CD82: variants seen among roughly 807,000 people sequenced by gnomAD.
The protein encoded by CD82 is CD82 antigen.
Under a neutral mutation model 37.4 loss-of-function variants are expected in CD82, and 36 were observed. That is an observed-to-expected ratio of 0.96 (90% CI 0.74 to 1.27). The LOEUF is 1.27. CD82 is among the 50% of genes most tolerant of loss of function. The pLI, the probability that CD82 is intolerant of heterozygous loss-of-function variation, is 0.00. For missense variants in CD82, 340 were observed against 347.0 expected, an observed-to-expected ratio of 0.98 and a Z score of 0.16; for synonymous variants, 158 against 137.4, an observed-to-expected ratio of 1.15 and a Z score of -1.05.
intron 1 of CD82, among the ~76,000 whole-genome samples, chr11:44,581,800 A>G (rs940129360): frequency 6.6e-6 from 1 of 152,186 alleles, no homozygotes; most frequent in Non-Finnish European, 1.5e-5. Flanking sequence ...GCGGTTCCCT[A>G]TGAGGTCCCC....
At chr11:44,613,250 C>A (rs1853512408) in intron 6 of CD82, among the ~76,000 whole-genome samples, 1 of 152,210 alleles carries the variant, frequency 6.6e-6, no homozygotes, top group Admixed American at 6.5e-5. Context: ...CCTGAAAGGT[C>A]TCTGGGCAAG....
intron 4 of CD82, among the ~76,000 whole-genome samples, chr11:44,603,399 C>T (rs1031514557): frequency 2.0e-5 from 3 of 152,172 alleles, no homozygotes; most frequent in Non-Finnish European, 4.4e-5. Flanking sequence ...GTGGGGACCT[C>T]GGCCTCTCCA....
chr11:44,564,750 T>C (rs777158848), upstream of CD82, among the ~76,000 whole-genome samples: 120 of 152,206 alleles, frequency 7.9e-4, no homozygotes, highest in Non-Finnish European at 1.4e-3. Flanking sequence ...TGTTCTGGGC[T>C]ACTTCCCCAG....
rs1239023754 is a variant in CD82, at chr11:44,619,068, C to G, written c.746C>G (p.Ser249Cys). 1 of 1,613,726 alleles carries G rather than the reference C, an allele frequency of 6.2e-7. No individual in the cohort carries two copies. Among genetic ancestry groups the G allele is most frequent in the African/African-American group, 1.3e-5 (1 of 74,848 alleles). ...AIIELLGMVL[S>C]ICLCRHVHSE... is the part of the protein sequence containing the mutation. ...CCACAGCTCCTGGGGATGGTCCTGT[C>G]CATCTGCTTGTGCCGGCACGTCCAT... is the stretch of plus-strand genomic sequence containing the variant. Residue 249 changes from serine to cysteine, a missense_variant, in exon 10 of 10, where the codon TCC (serine) becomes TGC (cysteine). Transcript: ENST00000227155.
intron 2 of CD82, among the ~76,000 whole-genome samples, chr11:44,591,735 G>A (rs757200159): frequency 6.6e-6 from 1 of 152,148 alleles, no homozygotes; most frequent in Non-Finnish European, 1.5e-5. Context: ...AGGATGATGG[G>A]GGATGATGTC....
At position 44,618,655 on chromosome 11, in the gene CD82, G is replaced by A. The variant is rs554846063; in HGVS notation, c.658G>A (p.Val220Met). ...PVYQEGCMEK[V>M]QAWLQENLGI... is the part of the protein sequence containing the mutation. ...GCCCTTGCAGGGCTGCATGGAGAAG[G>A]TGCAGGCGTGGCTGCAGGAGAACCT... is the stretch of plus-strand genomic sequence containing the variant. The change falls in exon 9 of 10, where the codon GTG becomes ATG. Residue 220 changes from valine (V) to methionine (M), a missense_variant. Transcript: ENST00000227155. 3 of 1,612,194 alleles carry A rather than the reference G, an allele frequency of 1.9e-6. No individual in the cohort carries two copies. The highest frequency in any genetic ancestry group is 2.5e-6 in the Non-Finnish European group (3 of 1,179,874).
chr11:44,600,615 G>A (rs1452866229), intron 4 of CD82, among the ~76,000 whole-genome samples: 3 of 152,236 alleles, frequency 2.0e-5, no homozygotes, highest in South Asian at 4.1e-4. Context: ...AGGAAAGATA[G>A]TCAGGGGCTG....
intron 4 of CD82, 112 bp from the exon 5 acceptor site, chr11:44,604,946 C>A: frequency 6.8e-7 from 1 of 1,479,758 alleles, no homozygotes; most frequent in Non-Finnish European, 9.4e-7. Flanking sequence ...GGGAATGCAG[C>A]TGACCCCAAC....
chr11:44,577,058 C>T (rs1852903266), intron 1 of CD82, among the ~76,000 whole-genome samples: 1 of 152,008 alleles, frequency 6.6e-6, no homozygotes, highest in South Asian at 2.1e-4. Context: ...GCCCAGGATC[C>T]CAGGAAGGGC....
chr11:44,581,486 G>A (rs940703042), intron 1 of CD82, among the ~76,000 whole-genome samples: 3 of 152,226 alleles, frequency 2.0e-5, no homozygotes, highest in Non-Finnish European at 2.9e-5. Flanking sequence ...TTGAGTCTGT[G>A]TTCTAGAGAG....
intron 1 of CD82, among the ~76,000 whole-genome samples, chr11:44,568,573 G>A (rs1448306307): frequency 6.6e-6 from 1 of 152,158 alleles, no homozygotes; most frequent in Non-Finnish European, 1.5e-5. Flanking sequence ...TCCCATCCCA[G>A]CCCAGGGAGG....
At position 44,605,177 on chromosome 11, in the gene CD82, G is replaced by C. The variant is rs1853373843; in HGVS notation, c.256G>C (p.Gly86Arg). 5.6e-6 allele frequency: 9 copies of C among 1,613,974 alleles called. No homozygotes were observed. The highest frequency in any genetic ancestry group is 1.1e-5 in the South Asian group (1 of 91,080). ...CGTCAACGAGGTCCGCTGCCTGCTGGGGCTGGTGAGTACGGATCCCTCCGC... is the reference window on the plus strand; with the variant it reads ...CGTCAACGAGGTCCGCTGCCTGCTGCGGCTGGTGAGTACGGATCCCTCCGC... ...GAVNEVRCLL[G>R]LYFAFLLLIL... The change falls in exon 5 of 10, where the codon GGG becomes CGG. Residue 86 changes from glycine (G) to arginine (R), a missense_variant. Transcript: ENST00000227155.
rs765165459 is a variant in CD82, at chr11:44,618,362, G to A, written c.639G>A (p.Gln213=). 1.9e-6 allele frequency: 3 copies of A among 1,612,636 alleles called. No individual in the cohort carries two copies. Among genetic ancestry groups the A allele is most frequent in the East Asian group, 2.2e-5 (1 of 44,878 alleles). The part of the protein sequence containing the change: ...GNHPEDWPVY[Q]EGCMEKVQAW... ...ACCCTGAGGACTGGCCTGTGTACCAGGAGGTGTGCGGGGGGCTGCGGATCG... is the reference window on the plus strand; with the variant it reads ...ACCCTGAGGACTGGCCTGTGTACCAAGAGGTGTGCGGGGGGCTGCGGATCG... Residue 213 remains glutamine, a synonymous_variant, in exon 8 of 10, where the codon CAG becomes CAA. Coordinates refer to ENST00000227155, the MANE Select transcript of CD82 (RefSeq NM_002231.4).
At chr11:44,567,322 A>G (rs1384412887) in intron 1 of CD82, among the ~76,000 whole-genome samples, 1 of 152,150 alleles carries the variant, frequency 6.6e-6, no homozygotes, top group Non-Finnish European at 1.5e-5. Flanking sequence ...ACAGTATGGA[A>G]CAAACTGGAA....
intron 1 of CD82, among the ~76,000 whole-genome samples, chr11:44,586,928 A>G (rs1853063684): frequency 6.6e-6 from 1 of 152,214 alleles, no homozygotes; most frequent in Non-Finnish European, 1.5e-5. Flanking sequence ...TGAGGAGCCC[A>G]TATTCTAGTG....
chr11:44,596,027 C>T (rs1166250054), intron 3 of CD82, among the ~76,000 whole-genome samples: 5 of 152,138 alleles, frequency 3.3e-5, no homozygotes, highest in East Asian at 1.9e-4. Flanking sequence ...TACACGCATG[C>T]ACACACACAG....
chr11:44,576,953 C>T (rs1238543697), intron 1 of CD82, among the ~76,000 whole-genome samples: 1 of 152,046 alleles, frequency 6.6e-6, no homozygotes. Flanking sequence ...TTGAGCCCAG[C>T]CCCTAAGACG....
Position 44,619,214 on chromosome 11 carries a change from C to A in CD82, c.*88C>A. On this transcript the variant is annotated 3_prime_UTR_variant, in exon 10 of 10. Transcript: ENST00000227155. Reference sequence around the variant, plus strand: ...GGCTCCCTCCTCCAGGCCTGCCTCCCACTTCACTGCGAAGACCCTCTTGCC... The same window carrying A: ...GGCTCCCTCCTCCAGGCCTGCCTCCAACTTCACTGCGAAGACCCTCTTGCC... The A allele has an allele frequency of 9.6e-7, 1 of 1,045,780 alleles. No homozygotes were observed. The highest frequency in any genetic ancestry group is 1.5e-6 in the Non-Finnish European group (1 of 665,520). The allele number at this position is 1,045,780 out of a possible 1,614,324, so 64.8% of individuals were successfully genotyped here. A position where few individuals can be genotyped will look rare whatever the true frequency, so the allele number is the denominator to read the frequency against.
intron 4 of CD82, 83 bp from the exon 5 acceptor site, chr11:44,604,975 G>A: frequency 6.3e-7 from 1 of 1,597,064 alleles, no homozygotes; most frequent in Non-Finnish European, 8.6e-7. Context: ...TCCAAAGAGG[G>A]GATCCGGAAG....
Sources: allele counts gnomAD v4.1 joint callset (sites outside exome capture counted in the v4.1 genomes callset), GRCh38; gene constraint gnomAD v4.1.1; transcripts MANE v1.5; gene names NCBI Gene and HGNC (gene_info 2026-07-23, HGNC 2026-07-21).